Variants in BIN2 observed in about 807,000 individuals in gnomAD.
The protein encoded by BIN2 is bridging integrator 2.
A neutral mutation model predicts 67.9 loss-of-function variants in BIN2; 43 were observed. The observed-to-expected ratio is 0.63, with a 90% CI of 0.50 to 0.82. BIN2 has a LOEUF of 0.82. Among genes scored for constraint, BIN2 ranks in the 40% least tolerant of loss-of-function variants. BIN2 has a pLI of 0.00. For missense variants in BIN2, 581 were observed against 671.6 expected (o/e 0.87, Z 1.49); for synonymous variants, 244 against 246.8 (o/e 0.99, Z 0.11).
At chr12:51,297,333 C>T (rs759406525) in intron 7 of BIN2, 169 bp from the exon 8 acceptor site, 18 of 562,510 alleles carry the variant, frequency 3.2e-5, no homozygotes, top group Non-Finnish European at 5.0e-5. Flanking sequence ...CTTTGGGAGG[C>T]CAAGGTGGGC....
intron 9 of BIN2, among the ~76,000 whole-genome samples, chr12:51,295,577 A>AT (rs1188350704): frequency 6.8e-5 from 2 of 29,532 alleles, no homozygotes; most frequent in African/African-American, 1.3e-4. Flanking sequence ...AAAAAAAAAA[A>AT]ATATATATAT....
chr12:51,317,614 G>A (rs962482856), intron 1 of BIN2, among the ~76,000 whole-genome samples: 2 of 151,704 alleles, frequency 1.3e-5, no homozygotes, highest in Admixed American at 6.6e-5. Context: ...CCAAGATTGC[G>A]CCATTGCACT....
chr12:51,281,823 T>C (rs1016586335), intron 12 of BIN2, among the ~76,000 whole-genome samples: 2 of 152,096 alleles, frequency 1.3e-5, no homozygotes, highest in Admixed American at 1.3e-4. Flanking sequence ...GGCACAATCA[T>C]AGCTAACTGT....
In BIN2 at chr12:51,297,150, T is replaced by C. The variant is rs927716722; in HGVS notation, c.617A>G (p.Tyr206Cys). ...PILYNSRIGCYVTIFQNISNL... is the reference protein window; with the variant it reads ...PILYNSRIGCCVTIFQNISNL... ...GGAAATGTTTTGGAAGATGGTCACA[T>C]AGCAGCCAATACGACTATTAGGAAG... is the stretch of plus-strand genomic sequence containing the variant. The change falls in exon 8 of 13, where the codon TAT becomes TGT. Residue 206 changes from tyrosine (Y) to cysteine (C), a missense_variant. Physicochemically the swap from Tyr to Cys is radical, Grantham distance 194. Coordinates refer to ENST00000615107, the MANE Select transcript of BIN2 (RefSeq NM_016293.4). 4.3e-6 allele frequency: 7 copies of C among 1,613,804 alleles called. No homozygotes were observed. Among genetic ancestry groups the C allele is most frequent in the Non-Finnish European group, 5.9e-6 (7 of 1,179,848 alleles).
intron 1 of BIN2, among the ~76,000 whole-genome samples, chr12:51,314,663 G>T (rs914409675): frequency 5.9e-5 from 9 of 151,932 alleles, no homozygotes; most frequent in African/African-American, 2.2e-4. Flanking sequence ...GCTGGGCATG[G>T]TGGTGCATGC....
At chr12:51,295,632 T>G (rs1446284839) in intron 9 of BIN2, among the ~76,000 whole-genome samples, 164 bp downstream of exon 9, 2 of 108,790 alleles carry the variant, frequency 1.8e-5, no homozygotes, top group African/African-American at 3.6e-5. Context: ...ATATATATAT[T>G]TAGTAAAAAG....
chr12:51,307,051 G>A lies in BIN2; in HGVS notation c.163-3910C>T, dbSNP rs192212238. ...TGTAATCCTAGCACTTTGGGAGGCC[G>A]AGGCGGGCAGATTGTGAGGTCAAGA... On this transcript the variant is annotated intron_variant, in intron 2 of 12. Transcript: ENST00000615107. 2.4e-4 allele frequency among the ~76,000 whole-genome samples: 37 copies of A among 152,172 alleles called. 1 individual carries two copies. The East Asian group carries it at 6.2e-3, about 25-fold the overall frequency.
chr12:51,282,010 C>T (rs768040195), intron 12 of BIN2, among the ~76,000 whole-genome samples: 1 of 152,164 alleles, frequency 6.6e-6, no homozygotes, highest in Non-Finnish European at 1.5e-5. Context: ...GCTGGGATTA[C>T]AGGTGTGAGC....
chr12:51,307,177 G>C (rs1592272849), intron 2 of BIN2, among the ~76,000 whole-genome samples: 1 of 151,606 alleles, frequency 6.6e-6, no homozygotes, highest in East Asian at 2.0e-4. Flanking sequence ...CAGCTACTTG[G>C]GAGGCTGAGG....
chr12:51,312,707 T>C (rs954397420), intron 2 of BIN2, among the ~76,000 whole-genome samples: 11 of 152,238 alleles, frequency 7.2e-5, no homozygotes, highest in South Asian at 2.1e-4. Context: ...TGTACATATT[T>C]GAAATATTCC....
In BIN2 at chr12:51,324,045, T is replaced by G; in HGVS notation, c.58A>C (p.Lys20Gln). ...AGLFAKQVQK[K>Q]FSRAQEKVLQ... ...ACCTTCTCCTGGGCCCTGCTAAACT[T>G]CTTCTGCACCTGCTTGGCGAAGAGG... Residue 20 changes from lysine (K) to glutamine (Q), a missense_variant, in exon 1 of 13, where the codon AAG becomes CAG. Transcript: ENST00000615107. 1 of 1,613,504 alleles carries G rather than the reference T, an allele frequency of 6.2e-7. No individual in the cohort carries two copies. Among genetic ancestry groups the G allele is most frequent in the Non-Finnish European group, 8.5e-7 (1 of 1,179,678 alleles).
In BIN2 at chr12:51,281,423, C is replaced by G. The variant is rs990781805; in HGVS notation, c.*76G>C. The stretch of plus-strand genomic sequence containing the variant: ...CAGGGATGGATGCTGGCTCTTATAT[C>G]CCTCTGACCTATACCCTCTGGTTGA... On this transcript the variant is annotated 3_prime_UTR_variant, in exon 13 of 13. Transcript: ENST00000615107. 1 of 1,468,582 alleles carries G rather than the reference C, an allele frequency of 6.8e-7. No homozygotes were observed. Among genetic ancestry groups the G allele is most frequent in the Admixed American group, 1.7e-5 (1 of 59,620 alleles). 91.0% of individuals were successfully genotyped at this position (1,468,582 alleles called of 1,614,324 possible). A position where few individuals can be genotyped will look rare whatever the true frequency, so the allele number is the denominator to read the frequency against.
chr12:51,299,205 A>G lies in BIN2; in HGVS notation c.600T>C (p.Asn200=). 4 of 1,609,790 alleles carry G rather than the reference A, an allele frequency of 2.5e-6. No individual in the cohort carries two copies. The highest frequency in any genetic ancestry group is 2.6e-6 in the Non-Finnish European group (3 of 1,176,198). The change falls in exon 7 of 13, where the codon AAT becomes AAC. Residue 200 remains asparagine (N), a splice_region_variant and synonymous_variant. Coordinates refer to ENST00000615107, the MANE Select transcript of BIN2 (RefSeq NM_016293.4). ...CTTTTCTGAATTTCAGTCATTACCTATTATAAAGAATAGGCAGCTCCTCTA... is the reference window on the plus strand; with the variant it reads ...CTTTTCTGAATTTCAGTCATTACCTGTTATAAAGAATAGGCAGCTCCTCTA... ...ELLEELPILY[N]SRIGCYVTIF...
At chr12:51,324,550 GC>G, upstream of BIN2, 1 of 1,528,706 alleles carries the variant, frequency 6.5e-7, no homozygotes, top group Non-Finnish European at 8.7e-7. Context: ...GAGTATGCAT[GC>G]GAAGCCGCCA....
Position 51,303,128 on chromosome 12 carries a change from T to C in BIN2, c.176A>G (p.Lys59Arg). ...GAAGTTCTTCAGGTCCTTGTACAGC[T>C]TGTGGCCTTCTGCCTGAAAGAGAAA... is the stretch of plus-strand genomic sequence containing the variant. ...NFYQQQAEGHKLYKDLKNFLS... is the reference protein window; with the variant it reads ...NFYQQQAEGHRLYKDLKNFLS... Residue 59 changes from lysine to arginine, a missense_variant, in exon 3 of 13, where the codon AAG becomes AGG. By Grantham distance (26) the Lys-to-Arg change is conservative (BLOSUM62 2). Coordinates refer to ENST00000615107, the MANE Select transcript of BIN2 (RefSeq NM_016293.4). 7 of 1,614,160 alleles carry C rather than the reference T, an allele frequency of 4.3e-6. No individual in the cohort carries two copies. Among genetic ancestry groups the C allele is most frequent in the Non-Finnish European group, 5.9e-6 (7 of 1,179,986 alleles).
chr12:51,283,966 C>A (rs1945177849), intron 12 of BIN2, among the ~76,000 whole-genome samples: 2 of 141,670 alleles, frequency 1.4e-5, no homozygotes, highest in African/African-American at 5.2e-5. Flanking sequence ...GCACTCCAAC[C>A]TGGGCAACAA....
chr12:51,314,026 T>G, intron 1 of BIN2, 123 bp from the exon 2 acceptor site: 1 of 168,352 alleles, frequency 5.9e-6, no homozygotes, highest in African/African-American at 3.6e-5. Context: ...ACTTATTTAT[T>G]TATTTATTTA....
intron 9 of BIN2, 60 bp from the exon 10 acceptor site, chr12:51,292,404 C>G: frequency 6.8e-7 from 1 of 1,463,192 alleles, no homozygotes. Context: ...TGTAAATATG[C>G]AAAACTTACG....
In BIN2 at chr12:51,302,300, T is replaced by A. The variant is rs1454975027; in HGVS notation, c.313-185A>T. On this transcript the variant is annotated intron_variant, in intron 4 of 12. Transcript: ENST00000615107. ...GCCCCTACCCCAAGGAACTGCTCTA[T>A]GGGAGTCTGAACATACATTCAGAGA... 1.4e-5 allele frequency: 8 copies of A among 572,514 alleles called. No homozygotes were observed. The East Asian group carries it at 2.4e-4, about 17-fold the overall frequency. 35.5% of individuals were successfully genotyped at this position (572,514 alleles called of 1,614,324 possible). A position where few individuals can be genotyped will look rare whatever the true frequency, so the allele number is the denominator to read the frequency against.
Sources: gnomAD v4.1 joint callset for allele counts (sites outside exome capture counted in the v4.1 genomes callset) on GRCh38, gnomAD v4.1.1 for gene constraint, MANE v1.5 for transcripts, NCBI Gene and HGNC (gene_info 2026-07-23, HGNC 2026-07-21) for gene names.